Variants in PADI4 observed in about 807,000 individuals in gnomAD.
PADI4 encodes peptidyl arginine deiminase 4, also known as protein-arginine deiminase type-4.
A neutral mutation model predicts 75.0 loss-of-function variants in PADI4; 62 were observed. That is an observed-to-expected ratio of 0.83 (90% confidence interval 0.67 to 1.02). The LOEUF (loss-of-function observed/expected upper bound fraction) is 1.02, where lower values mean the gene tolerates loss of function less well. PADI4 is among the 50% of genes least tolerant of loss of function. The probability of loss-of-function intolerance (pLI) is 0.00; values close to 1 mark genes in which losing one functional copy is unlikely to be tolerated. For synonymous variants in PADI4, 361 were observed against 348.1 expected, an observed-to-expected ratio of 1.04 and a Z score of -0.41; for missense variants, 845 against 850.5, an observed-to-expected ratio of 0.99 and a Z score of 0.08.
chr1:17,359,430 A>G (rs977697606), intron 15 of PADI4, 22 bp downstream of exon 15: 1 of 1,613,420 alleles, frequency 6.2e-7, no homozygotes. Context: ...GCGGCTTTAA[A>G]ACCCCAGGGT....
intron 1 of PADI4, among the ~76,000 whole-genome samples, chr1:17,314,814 C>A (rs1557537902): frequency 6.6e-6 from 1 of 152,242 alleles, no homozygotes; most frequent in Non-Finnish European, 1.5e-5. Context: ...AGTATCTGAT[C>A]CCAAACTGCT....
intron 10 of PADI4, among the ~76,000 whole-genome samples, chr1:17,351,979 TGGGAGGAGAGGCAGTCA>T (rs1557576294): frequency 4.9e-5 from 2 of 40,830 alleles, no homozygotes; most frequent in East Asian, 8.7e-4. Context: ...AGGGAGGTGA[TGGGAGGAGAGGCAGTCA>T]GGGAGGTGAT....
In PADI4 at chr1:17,342,419, T is replaced by A. The variant is rs1396175421; in HGVS notation, c.935+17T>A. The A allele has an allele frequency of 6.6e-7, 1 of 1,508,526 alleles. No homozygotes were observed. Among genetic ancestry groups the A allele is most frequent in the South Asian group, 1.1e-5 (1 of 88,754 alleles). The allele number at this position is 1,508,526 out of a possible 1,614,324, so 93.4% of individuals were successfully genotyped here. On this transcript the variant is annotated intron_variant, in intron 8 of 15. Coordinates refer to ENST00000375448, the MANE Select transcript of PADI4 (RefSeq NM_012387.3). ...CGCGTGCAGGTGAGAGGTCCTGGGG[T>A]GCTGGGGTGGGTCCAGACAACAAAG...
chr1:17,350,116 T>C (rs1367995803), intron 10 of PADI4, among the ~76,000 whole-genome samples: 2 of 128,300 alleles, frequency 1.6e-5, no homozygotes, highest in African/African-American at 2.5e-5. Context: ...TTCTTCAGTG[T>C]ATTTTGTTAA....
At chr1:17,347,850 G>A (rs1319586689) in intron 9 of PADI4, 91 bp from the exon 10 acceptor site, 1 of 638,346 alleles carries the variant, frequency 1.6e-6, no homozygotes, top group Non-Finnish European at 2.8e-6. Flanking sequence ...AAGGGTGAGA[G>A]TGAGTGGATG....
Position 17,341,978 on chromosome 1 carries a change from G to T in PADI4, c.688G>T (p.Gly230Cys), listed in dbSNP as rs769909772. The T allele has an allele frequency of 1.2e-6, 2 of 1,614,022 alleles. No homozygotes were observed. Among genetic ancestry groups the T allele is most frequent in the Non-Finnish European group, 1.7e-6 (2 of 1,179,970 alleles). The change falls in exon 7 of 16, where the codon GGT becomes TGT. Residue 230 changes from glycine to cysteine, a missense_variant. Transcript: ENST00000375448. ...KLSSKCSVVL[G>C]PKWPSHYLMV... ...GTCCTCCAAGTGCAGCGTAGTCTTG[G>T]GTCCCAAGTGGCCCTCTCACTACCT...
Position 17,339,560 on chromosome 1 carries a change from G to A in PADI4, c.527-128G>A, listed in dbSNP as rs758852288. On this transcript the variant is annotated intron_variant, in intron 5 of 15. Transcript: ENST00000375448. ...AATAGCATAAAGAAAAGAAAACCAG[G>A]CAACATGGTAAAGGGAGGTCTCAGG... 4 of 868,958 alleles carry A rather than the reference G, an allele frequency of 4.6e-6. No individual in the cohort carries two copies. In the African/African-American group the frequency reaches 5.0e-5, roughly 11 times the overall value. The allele number at this position is 868,958 out of a possible 1,614,324, so 53.8% of individuals were successfully genotyped here.
At chr1:17,319,384 G>C (rs1367287107) in intron 1 of PADI4, among the ~76,000 whole-genome samples, 1 of 152,082 alleles carries the variant, frequency 6.6e-6, no homozygotes, top group African/African-American at 2.4e-5. Context: ...TGGAGATAAG[G>C]AGACTCCATC....
rs1287946407 is a variant in PADI4, at chr1:17,356,735, G to A, written c.1558+276G>A. On this transcript the variant is annotated intron_variant, in intron 13 of 15. Transcript: ENST00000375448. This position sits in a 1 kb window ranked among gnomAD's most constrained non-coding sequence, Gnocchi z 4.1. ...GATGGAGCTCAGGGAAGGCTTCTTGGAGGAGGCAGAGGCCAAGCAGTAGCA... is the reference window on the plus strand; with the variant it reads ...GATGGAGCTCAGGGAAGGCTTCTTGAAGGAGGCAGAGGCCAAGCAGTAGCA... 2.0e-5 allele frequency among the ~76,000 whole-genome samples: 3 copies of A among 152,074 alleles called. No individual in the cohort carries two copies. Among genetic ancestry groups the A allele is most frequent in the Non-Finnish European group, 4.4e-5 (3 of 68,012 alleles).
intron 5 of PADI4, among the ~76,000 whole-genome samples, chr1:17,339,071 G>A (rs1359546398): frequency 6.6e-6 from 1 of 152,058 alleles, no homozygotes; most frequent in East Asian, 1.9e-4. Context: ...TACAACTCTT[G>A]CCCCTGTCTT....
intron 10 of PADI4, among the ~76,000 whole-genome samples, chr1:17,352,500 G>A (rs994922674): frequency 2.6e-5 from 4 of 152,066 alleles, no homozygotes; most frequent in African/African-American, 9.7e-5. Context: ...CAAGGGAGTG[G>A]GCAGGTGAGG....
At chr1:17,324,890 T>C (rs915593862) in intron 1 of PADI4, among the ~76,000 whole-genome samples, 5 of 152,274 alleles carry the variant, frequency 3.3e-5, no homozygotes, top group African/African-American at 1.2e-4. Flanking sequence ...TATGATATAG[T>C]CTCTACTACC....
chr1:17,354,782 T>C (rs6683201), intron 11 of PADI4, 95 bp downstream of exon 11: 863,441 of 1,212,040 alleles, frequency 0.71, 310,008 homozygotes, highest in African/African-American at 0.9. Context: ...CTGCTTCCGA[T>C]TCTAGACAGC....
chr1:17,312,092 T>C (rs2073844661), intron 1 of PADI4, among the ~76,000 whole-genome samples: 1 of 152,136 alleles, frequency 6.6e-6, no homozygotes, highest in Non-Finnish European at 1.5e-5. Context: ...AGGAAAAGAA[T>C]ACAGAAACAG....
intron 6 of PADI4, 98 bp downstream of exon 6, chr1:17,339,911 G>A: frequency 7.4e-7 from 1 of 1,358,384 alleles, no homozygotes; most frequent in Non-Finnish European, 1.0e-6. Flanking sequence ...CACCTACTAT[G>A]TGCCAAGTTC....
intron 9 of PADI4, among the ~76,000 whole-genome samples, chr1:17,347,218 T>C (rs950590671): frequency 1.3e-5 from 2 of 152,186 alleles, no homozygotes; most frequent in African/African-American, 4.8e-5. Context: ...CTTACAGGCA[T>C]GAGTTACTGC....
intron 1 of PADI4, among the ~76,000 whole-genome samples, chr1:17,328,187 C>A (rs1360651918): frequency 1.3e-5 from 2 of 151,838 alleles, no homozygotes; most frequent in African/African-American, 4.8e-5. Context: ...CCATACCCAG[C>A]TAATTGTTTT....
Position 17,354,077 on chromosome 1 carries a change from T to TA in PADI4, c.1156-441dup, listed in dbSNP as rs11327771. Among the ~76,000 whole-genome samples the TA allele has an allele frequency of 8.9e-3, 1,209 of 135,766 alleles. 8 individuals carry two copies. Among genetic ancestry groups the TA allele is most frequent in the African/African-American group, 0.025 (925 of 37,648 alleles). 89.1% of individuals were successfully genotyped at this position (135,766 alleles called of 152,430 possible). A position where few individuals can be genotyped will look rare whatever the true frequency, so the allele number is the denominator to read the frequency against. ...CAACATGGTGAAACCCCATCTCTAC[T>TA]AAAAAAAAAAAAAAATACAAAAATT... On this transcript the variant is annotated intron_variant, in intron 10 of 15. Coordinates refer to ENST00000375448, the MANE Select transcript of PADI4 (RefSeq NM_012387.3).
At chr1:17,317,856 T>C (rs2073967354) in intron 1 of PADI4, among the ~76,000 whole-genome samples, 1 of 152,090 alleles carries the variant, frequency 6.6e-6, no homozygotes, top group Non-Finnish European at 1.5e-5. Flanking sequence ...CTCTCATCTC[T>C]ATAAAAATGT....
Sources: allele counts gnomAD v4.1 joint callset (sites outside exome capture counted in the v4.1 genomes callset), GRCh38; gene constraint gnomAD v4.1.1; non-coding constraint Gnocchi (gnomAD v3.1); transcripts MANE v1.5; gene names NCBI Gene and HGNC (gene_info 2026-07-23, HGNC 2026-07-21).